Variants in GPM6B observed in about 807,000 individuals in gnomAD.
The protein encoded by GPM6B is glycoprotein M6B, also known as neuronal membrane glycoprotein M6-b.
A neutral mutation model predicts 27.2 loss-of-function variants in GPM6B; 4 were observed. The ratio of observed to expected loss-of-function variants is 0.15; its 90% CI spans 0.07 to 0.34. The LOEUF (loss-of-function observed/expected upper bound fraction) is 0.34. Among genes scored for constraint, GPM6B ranks in the 10% least tolerant of loss-of-function variants. The pLI is 1.00. For synonymous variants in GPM6B, 124 were observed against 103.1 expected (o/e 1.20, Z -1.23); for missense variants, 183 against 261.9 (o/e 0.70, Z 2.08).
intron 7 of GPM6B, chrX:13,773,333 A>G (rs1316442170): frequency 5.4e-6 from 1 of 185,006 alleles, no homozygotes; most frequent in African/African-American, 3.1e-5. Flanking sequence ...TTTTAATACC[A>G]TTTTGAGAGT....
intron 1 of GPM6B, among the ~76,000 whole-genome samples, chrX:13,930,642 A>G (rs1921462897): frequency 8.9e-6 from 1 of 112,124 alleles, no homozygotes; most frequent in Non-Finnish European, 1.9e-5. Flanking sequence ...GAACAAGGGA[A>G]CATCACTACA....
In GPM6B at chrX:13,816,947, A is replaced by C. The variant is rs199943800; in HGVS notation, c.-43T>G. On this transcript the variant is annotated 5_prime_UTR_variant, in exon 1 of 8. Transcript: ENST00000316715. ...CTTTTCCCCCTGTTCCCCCCAACAC[A>C]CACTTGTTTTTCCTCCTCTTCCTTT... 216 of 1,161,959 alleles carry C rather than the reference A, an allele frequency of 1.9e-4. 2 individuals carry two copies. In the East Asian group the frequency reaches 6.2e-3, roughly 33 times the overall value.
At chrX:13,800,439 C>T (rs999332028) in intron 2 of GPM6B, among the ~76,000 whole-genome samples, 15 of 112,410 alleles carry the variant, frequency 1.3e-4, no homozygotes, top group Non-Finnish European at 2.3e-4. Context: ...ATTTGTTATG[C>T]AACAATTGAT....
At chrX:13,812,270 G>T (rs1476107832) in intron 1 of GPM6B, among the ~76,000 whole-genome samples, 3 of 110,261 alleles carry the variant, frequency 2.7e-5, no homozygotes, top group Admixed American at 9.6e-5. Context: ...AGCCAGGATG[G>T]TCTCGATCTC....
At chrX:13,800,304 T>C (rs2048898095) in intron 2 of GPM6B, among the ~76,000 whole-genome samples, 1 of 112,113 alleles carries the variant, frequency 8.9e-6, no homozygotes, top group Admixed American at 9.4e-5. Flanking sequence ...CTTCCCCAGT[T>C]AGGCCTTCAG....
At chrX:13,773,940 C>T in intron 7 of GPM6B, 2 of 719,764 alleles carry the variant, frequency 2.8e-6, no homozygotes, top group Non-Finnish European at 3.3e-6. Context: ...AAAAAACTAC[C>T]CACATATAAA....
intron 1 of GPM6B, among the ~76,000 whole-genome samples, chrX:13,897,392 T>C (rs188823243): frequency 8.8e-4 from 99 of 112,161 alleles, no homozygotes; most frequent in African/African-American, 2.9e-3. Context: ...AGAGTAAAAT[T>C]ATACTTGACA....
At chrX:13,787,505 G>A (rs781751021) in intron 2 of GPM6B, among the ~76,000 whole-genome samples, 3 of 111,626 alleles carry the variant, frequency 2.7e-5, no homozygotes, top group Non-Finnish European at 3.8e-5. Context: ...GCGGTGAGCC[G>A]AGATTGCGCC....
At chrX:13,802,990 T>C (rs904223515) in intron 2 of GPM6B, among the ~76,000 whole-genome samples, 1 of 110,740 alleles carries the variant, frequency 9.0e-6, no homozygotes, top group Non-Finnish European at 1.9e-5. Flanking sequence ...GGATTAAGGG[T>C]TTTTCTTCCC....
intron 2 of GPM6B, among the ~76,000 whole-genome samples, chrX:13,786,616 C>A (rs961482966): frequency 5.4e-5 from 6 of 110,352 alleles, no homozygotes; most frequent in African/African-American, 2.0e-4. Context: ...CGTTCAGAGT[C>A]AGAACCCAGA....
chrX:13,773,686 T>G (rs73451159), intron 7 of GPM6B: 1,884 of 111,490 alleles, frequency 0.017, 35 homozygotes, highest in African/African-American at 0.059. Context: ...CGGCAAACAC[T>G]TCTTTCCTAT....
At chrX:13,836,990 A>G (rs1424267801) in intron 1 of GPM6B, among the ~76,000 whole-genome samples, 7 of 112,608 alleles carry the variant, frequency 6.2e-5, no homozygotes, top group African/African-American at 1.9e-4. Flanking sequence ...TGTTGAACAC[A>G]GGAGTAAGCA....
intron 1 of GPM6B, among the ~76,000 whole-genome samples, chrX:13,852,170 TG>T (rs1286816135): frequency 7.2e-5 from 8 of 111,135 alleles, no homozygotes; most frequent in Non-Finnish European, 9.4e-5. Context: ...GACTCAACTC[TG>T]CCACCGTAGC....
intron 1 of GPM6B, among the ~76,000 whole-genome samples, chrX:13,893,231 C>A (rs1227375603): frequency 9.0e-6 from 1 of 111,239 alleles, no homozygotes; most frequent in East Asian, 2.8e-4. Flanking sequence ...CAAAGATTTT[C>A]AGTACAAATG....
chrX:13,797,474 G>A (rs143508958), intron 2 of GPM6B, among the ~76,000 whole-genome samples: 2,463 of 110,988 alleles, frequency 0.022, 74 homozygotes, highest in African/African-American at 0.076. Flanking sequence ...TGTGGGAGAC[G>A]TGGGGAGCGT....
At chrX:13,868,215 G>A (rs1259405451) in intron 1 of GPM6B, among the ~76,000 whole-genome samples, 2 of 110,668 alleles carry the variant, frequency 1.8e-5, no homozygotes, top group Non-Finnish European at 3.8e-5. Flanking sequence ...GTGTGTGTAC[G>A]TGTGCATACT....
At chrX:13,932,037 T>C (rs1320393473) in intron 1 of GPM6B, among the ~76,000 whole-genome samples, 2 of 112,586 alleles carry the variant, frequency 1.8e-5, no homozygotes, top group African/African-American at 6.5e-5. Context: ...TGGGTTTCTT[T>C]TATCCCCTTG....
intron 1 of GPM6B, among the ~76,000 whole-genome samples, chrX:13,844,919 C>G (rs1292004414): frequency 9.0e-6 from 1 of 111,287 alleles, no homozygotes; most frequent in Non-Finnish European, 1.9e-5. Context: ...TATCTTGCCT[C>G]TCTTACTCTG....
chrX:13,810,394 A>C (rs1320132561), intron 1 of GPM6B, among the ~76,000 whole-genome samples: 1 of 111,894 alleles, frequency 8.9e-6, no homozygotes, highest in Non-Finnish European at 1.9e-5. Flanking sequence ...CTTTTAAAAA[A>C]TTTGTCTCTA....
Sources: gnomAD v4.1 joint callset for allele counts (sites outside exome capture counted in the v4.1 genomes callset) on GRCh38, gnomAD v4.1.1 for gene constraint, MANE v1.5 for transcripts, NCBI Gene and HGNC (gene_info 2026-07-23, HGNC 2026-07-21) for gene names.